The following TOM1L1 variants were observed in gnomAD, a reference collection of about 807,000 sequenced individuals.
TOM1L1 encodes TOM1-like protein 1.
In TOM1L1, 64 loss-of-function variants were observed where a neutral mutation model predicts 63.4. The observed-to-expected ratio is 1.01, with a 90% CI of 0.83 to 1.24. The LOEUF (loss-of-function observed/expected upper bound fraction) is 1.24, where lower values mean the gene tolerates loss of function less well. Ranked by LOEUF, TOM1L1 falls within the 50% of genes most tolerant of loss-of-function variation. The probability of loss-of-function intolerance (pLI) is 0.00; values close to 1 mark genes in which losing one functional copy is unlikely to be tolerated. For missense variants in TOM1L1, 536 were observed against 567.0 expected, an observed-to-expected ratio of 0.95 and a Z score of 0.55; for synonymous variants, 166 against 194.4, an observed-to-expected ratio of 0.85 and a Z score of 1.22.
Position 54,936,646 on chromosome 17 carries a change from C to T in TOM1L1, c.855-3C>T, listed in dbSNP as rs1224095792. The T allele has an allele frequency of 1.3e-6, 2 of 1,593,772 alleles. No individual in the cohort carries two copies. ...AACACATGCATTTTGATCATTTAAA[C>T]AGGTTTACTAGAAACCAACAAAGGA... On this transcript the variant is annotated splice_region_variant and splice_polypyrimidine_tract_variant and intron_variant, in intron 8 of 15. Transcript: ENST00000575882.
At chr17:54,929,109 G>A (rs1258765950) in intron 7 of TOM1L1, among the ~76,000 whole-genome samples, 1 of 152,178 alleles carries the variant, frequency 6.6e-6, no homozygotes, top group Non-Finnish European at 1.5e-5. Flanking sequence ...CAGCATCCCT[G>A]TGTTTTGCTT....
chr17:54,944,522 A>G (rs2049086439), intron 11 of TOM1L1, among the ~76,000 whole-genome samples: 1 of 151,840 alleles, frequency 6.6e-6, no homozygotes, highest in Non-Finnish European at 1.5e-5. Context: ...TTCTCTTACT[A>G]TTCTCTTCTG....
At chr17:54,940,176 T>C (rs528052919) in intron 11 of TOM1L1, among the ~76,000 whole-genome samples, 131 of 152,266 alleles carry the variant, frequency 8.6e-4, no homozygotes, top group Non-Finnish European at 1.6e-3. Context: ...GATTACAAGA[T>C]GTGAGCTACT....
At chr17:54,961,135 T>G in intron 15 of TOM1L1, 100 bp from the exon 16 acceptor site, 1 of 842,174 alleles carries the variant, frequency 1.2e-6, no homozygotes, top group Non-Finnish European at 2.0e-6. Flanking sequence ...TCTACTAGAC[T>G]GTGACTCTCC....
In TOM1L1 at chr17:54,930,044, A is replaced by T. The variant is rs553365351; in HGVS notation, c.721-29A>T. 4.9e-5 allele frequency: 79 copies of T among 1,613,752 alleles called. 1 individual carries two copies. The South Asian group carries it at 8.1e-4, about 17-fold the overall frequency. On this transcript the variant is annotated intron_variant, in intron 7 of 15. Transcript: ENST00000575882. Reference sequence around the variant, plus strand: ...CTTTATAGAATGTTCCAAGTGTGGAAGAAGAAATCTCTCTCCTTTCTTTGA... The same window carrying T: ...CTTTATAGAATGTTCCAAGTGTGGATGAAGAAATCTCTCTCCTTTCTTTGA...
intron 12 of TOM1L1, 63 bp from the exon 13 acceptor site, chr17:54,949,455 T>C (rs2049175330): frequency 5.0e-6 from 6 of 1,190,634 alleles, no homozygotes; most frequent in African/African-American, 1.5e-5. Context: ...TGTAGGAGTC[T>C]CAGTAATAAA....
intron 14 of TOM1L1, among the ~76,000 whole-genome samples, chr17:54,956,525 C>T (rs991270227): frequency 2.0e-5 from 3 of 152,128 alleles, no homozygotes; most frequent in African/African-American, 7.2e-5. Context: ...CCAGGCTGGT[C>T]TCGAACTCTT....
At chr17:54,912,477 C>G (rs373470786) in intron 3 of TOM1L1, among the ~76,000 whole-genome samples, 189 bp from the exon 4 acceptor site, 2 of 152,184 alleles carry the variant, frequency 1.3e-5, no homozygotes, top group African/African-American at 4.8e-5. Context: ...GTCCTCCAGA[C>G]TGTTACATTA....
intron 14 of TOM1L1, among the ~76,000 whole-genome samples, chr17:54,950,989 C>T (rs1462529277): frequency 6.6e-6 from 1 of 152,084 alleles, no homozygotes; most frequent in Non-Finnish European, 1.5e-5. Flanking sequence ...GATTCAATTC[C>T]AACACCATCT....
At position 54,914,632 on chromosome 17, in the gene TOM1L1, C is replaced by T. The variant is rs1182130575; in HGVS notation, c.499-7C>T. 2 of 1,606,654 alleles carry T rather than the reference C, an allele frequency of 1.2e-6. No homozygotes were observed. Among genetic ancestry groups the T allele is most frequent in the Non-Finnish European group, 1.7e-6 (2 of 1,173,590 alleles). On this transcript the variant is annotated splice_polypyrimidine_tract_variant and splice_region_variant and intron_variant, in intron 5 of 15. Transcript: ENST00000575882. Reference sequence around the variant, plus strand: ...CATAATAATATTACCATGTTTCATACTCATAGACTGCTCAAATCTCATCAA... The same window carrying T: ...CATAATAATATTACCATGTTTCATATTCATAGACTGCTCAAATCTCATCAA...
chr17:54,928,310 T>C lies in TOM1L1; in HGVS notation c.721-1763T>C, dbSNP rs1042516419. 1.6e-4 allele frequency among the ~76,000 whole-genome samples: 25 copies of C among 152,066 alleles called. 1 individual carries two copies. Among genetic ancestry groups the C allele is most frequent in the African/African-American group, 5.6e-4 (23 of 41,404 alleles). Reference sequence around the variant, plus strand: ...GGGGTTTCAATGGCACCATTGCCAATTCTTACAACAACCTTACAAGATAGC... The same window carrying C: ...GGGGTTTCAATGGCACCATTGCCAACTCTTACAACAACCTTACAAGATAGC... On this transcript the variant is annotated intron_variant, in intron 7 of 15. Coordinates refer to ENST00000575882, the MANE Select transcript of TOM1L1 (RefSeq NM_005486.3).
intron 3 of TOM1L1, among the ~76,000 whole-genome samples, chr17:54,905,982 C>A (rs2048402096): frequency 6.6e-6 from 1 of 151,906 alleles, no homozygotes; most frequent in Admixed American, 6.6e-5. Flanking sequence ...ACAGCCTGGG[C>A]AAGATGGTGA....
intron 8 of TOM1L1, 156 bp from the exon 9 acceptor site, chr17:54,936,493 C>A: frequency 1.6e-6 from 1 of 615,364 alleles, no homozygotes; most frequent in Non-Finnish European, 2.7e-6. Flanking sequence ...ACTCTGTAAG[C>A]TGGAAAAAGG....
intron 14 of TOM1L1, among the ~76,000 whole-genome samples, chr17:54,958,838 G>C (rs2077030508): frequency 6.6e-6 from 1 of 151,478 alleles, no homozygotes; most frequent in East Asian, 1.9e-4. Flanking sequence ...GGGAGACATG[G>C]GAGATGCTGG....
At position 54,903,788 on chromosome 17, in the gene TOM1L1, G is replaced by T. The variant is rs1555606644; in HGVS notation, c.139G>T (p.Asp47Tyr). The change falls in exon 2 of 16, where the codon GAT becomes TAT. Residue 47 changes from aspartate (D) to tyrosine (Y), a missense_variant. Asp to Tyr is a radical substitution (Grantham distance 160, BLOSUM62 -3). Transcript: ENST00000575882. Reference sequence around the variant, plus strand: ...CTGTGACATAATTAACACTACCCAGGATGGGTGAGTACAGCATGGTTTCCA... The same window carrying T: ...CTGTGACATAATTAACACTACCCAGTATGGGTGAGTACAGCATGGTTTCCA... ...HICDIINTTQ[D>Y]GPKDAVKALK... The T allele has an allele frequency of 6.2e-7, 1 of 1,613,288 alleles. No homozygotes were observed. Among genetic ancestry groups the T allele is most frequent in the South Asian group, 1.1e-5 (1 of 91,068 alleles).
chr17:54,921,650 A>C (rs994900754), intron 7 of TOM1L1, among the ~76,000 whole-genome samples: 3 of 152,146 alleles, frequency 2.0e-5, no homozygotes, highest in African/African-American at 7.2e-5. Context: ...AGGCACGAGA[A>C]TGGCTTGAAC....
At chr17:54,955,241 A>G (rs1325429263) in intron 14 of TOM1L1, 2 of 152,240 alleles carry the variant, frequency 1.3e-5, no homozygotes, top group East Asian at 1.9e-4. Context: ...TCCCTGGATC[A>G]TGTTCGGTCC....
intron 12 of TOM1L1, among the ~76,000 whole-genome samples, chr17:54,947,564 T>C (rs1211778554): frequency 6.6e-6 from 1 of 152,260 alleles, no homozygotes; most frequent in Non-Finnish European, 1.5e-5. Flanking sequence ...TCAAGGTCAC[T>C]GGTGACTTCT....
chr17:54,943,311 C>T (rs149774672), intron 11 of TOM1L1, among the ~76,000 whole-genome samples: 105 of 151,998 alleles, frequency 6.9e-4, no homozygotes, highest in African/African-American at 2.4e-3. Flanking sequence ...GAGTTTAGGT[C>T]TACTGTTATA....
Sources: allele counts gnomAD v4.1 joint callset (sites outside exome capture counted in the v4.1 genomes callset), GRCh38; gene constraint gnomAD v4.1.1; transcripts MANE v1.5; gene names NCBI Gene and HGNC (gene_info 2026-07-23, HGNC 2026-07-21).